The following PTGIS variants were observed in gnomAD, a reference collection of about 807,000 sequenced individuals.
The protein encoded by PTGIS is prostaglandin I2 synthase, also known as prostacyclin synthase.
PTGIS carries 45 observed loss-of-function variants against 50.3 expected under a neutral mutation model. The observed-to-expected ratio is 0.90, with a 90% CI of 0.70 to 1.15. The LOEUF (loss-of-function observed/expected upper bound fraction) is 1.15. Among genes scored for constraint, PTGIS ranks in the 50% most tolerant of loss-of-function variants. PTGIS has a pLI of 0.00. For missense variants in PTGIS, 668 were observed against 661.3 expected (o/e 1.01, Z -0.11); for synonymous variants, 260 against 267.7 (o/e 0.97, Z 0.28).
rs1484985134 is a variant in PTGIS at position 49,504,784 on chromosome 20, C to T, written c.*3136G>A. The T allele has an allele frequency of 6.6e-6, 1 of 150,710 alleles. No individual in the cohort carries two copies. The highest frequency in any genetic ancestry group is 2.4e-5 in the African/African-American group (1 of 40,948). The allele number at this position is 150,710 out of a possible 1,614,324, so 9.3% of individuals were successfully genotyped here. A position where few individuals can be genotyped will look rare whatever the true frequency, so the allele number is the denominator to read the frequency against. ...ATTAAAATATAGCAAATAATAGTAACAATAATCACAATGGTAAGGAAACAC... is the reference window on the plus strand; with the variant it reads ...ATTAAAATATAGCAAATAATAGTAATAATAATCACAATGGTAAGGAAACAC... On this transcript the variant is annotated 3_prime_UTR_variant, in exon 10 of 10. Transcript: ENST00000244043.
chr20:49,564,374 C>T (rs1411182410), intron 1 of PTGIS, among the ~76,000 whole-genome samples: 1 of 152,120 alleles, frequency 6.6e-6, no homozygotes, highest in Non-Finnish European at 1.5e-5. Context: ...GCCTCAGCCT[C>T]CTGAGTAGCT....
chr20:49,547,885 C>A lies in PTGIS; in HGVS notation c.333G>T (p.Gln111His). The A allele has an allele frequency of 6.2e-7, 1 of 1,614,170 alleles. No homozygotes were observed. Among genetic ancestry groups the A allele is most frequent in the South Asian group, 1.1e-5 (1 of 91,074 alleles). Residue 111 changes from glutamine (Q) to histidine (H), a missense_variant, in exon 3 of 10, where the codon CAG becomes CAT. Transcript: ENST00000244043. Reference protein sequence around the residue: ...IFLMERIFDVQLPHYSPSDEK... With the variant: ...IFLMERIFDVHLPHYSPSDEK... ...CATCACTGGGGCTGTAATGTGGAAGCTGCACATCAAAAATCCTCTCCATGA... is the reference window on the plus strand; with the variant it reads ...CATCACTGGGGCTGTAATGTGGAAGATGCACATCAAAAATCCTCTCCATGA...
intron 1 of PTGIS, among the ~76,000 whole-genome samples, chr20:49,566,699 G>A (rs1441567010): frequency 1.3e-5 from 2 of 152,214 alleles, no homozygotes; most frequent in East Asian, 1.9e-4. Flanking sequence ...TTAGCTACAA[G>A]CTCATGTCTA....
chr20:49,522,697 G>C (rs1016855905), intron 6 of PTGIS, among the ~76,000 whole-genome samples: 1 of 152,148 alleles, frequency 6.6e-6, no homozygotes, highest in African/African-American at 2.4e-5. Context: ...TAAATGTAAT[G>C]AGAAACAATG....
chr20:49,552,806 A>C lies in PTGIS; in HGVS notation c.75-2617T>G, dbSNP rs140422428. ...ATATCAGCTTTCCTAGGCAAATAAA[A>C]ACATAAAACAACTTAGACATATTAA... On this transcript the variant is annotated intron_variant, in intron 1 of 9. Transcript: ENST00000244043. Among the ~76,000 whole-genome samples the C allele has an allele frequency of 1.7e-4, 26 of 152,300 alleles. No individual in the cohort carries two copies. In the East Asian group the frequency reaches 3.7e-3, roughly 21 times the overall value.
At chr20:49,532,518 A>C (rs1048855872) in intron 5 of PTGIS, among the ~76,000 whole-genome samples, 1 of 152,182 alleles carries the variant, frequency 6.6e-6, no homozygotes, top group Non-Finnish European at 1.5e-5. Flanking sequence ...TAATAAAAGT[A>C]CCCACCACAG....
At chr20:49,528,863 T>G (rs757605800) in intron 5 of PTGIS, among the ~76,000 whole-genome samples, 3 of 152,212 alleles carry the variant, frequency 2.0e-5, no homozygotes, top group Non-Finnish European at 4.4e-5. Flanking sequence ...GAAGGAACTC[T>G]AGAAGGATCC....
At chr20:49,547,622 CAAACAAACAAACAAAA>C (rs1205933950) in intron 3 of PTGIS, among the ~76,000 whole-genome samples, 3 of 152,178 alleles carry the variant, frequency 2.0e-5, no homozygotes, top group East Asian at 3.9e-4. Flanking sequence ...AACAAACAAA[CAAACAAACAAACAAAA>C]AAACCCGCCA....
chr20:49,546,024 T>G (rs1408106227), intron 3 of PTGIS, among the ~76,000 whole-genome samples: 1 of 152,190 alleles, frequency 6.6e-6, no homozygotes, highest in Non-Finnish European at 1.5e-5. Context: ...ACATGGCTCA[T>G]GACTCATGTA....
chr20:49,538,187 T>G (rs1406423153), intron 5 of PTGIS, among the ~76,000 whole-genome samples: 1 of 142,348 alleles, frequency 7.0e-6, no homozygotes, highest in Non-Finnish European at 1.5e-5. Context: ...CCCAGGAGAT[T>G]GAGGCTGCAG....
Position 49,550,188 on chromosome 20 carries a change from G to T in PTGIS, c.76C>A (p.Arg26=), listed in dbSNP as rs147584032. The change falls in exon 2 of 10, where the codon CGA becomes AGA. Residue 26 remains arginine, a splice_region_variant and synonymous_variant. Coordinates refer to ENST00000244043, the MANE Select transcript of PTGIS (RefSeq NM_000961.4). ...LLLLSRRRTR[R]PGEPPLDLGS... is the part of the protein sequence containing the mutation. The stretch of plus-strand genomic sequence containing the variant: ...AGGTCCAGGGGAGGCTCACCAGGTC[G>T]CCTACAGAAGCCATGGCACTTGTCA... 278 of 1,612,222 alleles carry T rather than the reference G, an allele frequency of 1.7e-4. No individual in the cohort carries two copies. The African/African-American group carries it at 3.4e-3, about 20-fold the overall frequency.
intron 6 of PTGIS, among the ~76,000 whole-genome samples, chr20:49,517,321 C>T (rs1255619736): frequency 6.6e-6 from 1 of 152,208 alleles, no homozygotes; most frequent in Non-Finnish European, 1.5e-5. Context: ...AGATGGGGGC[C>T]ACCGCTCATT....
chr20:49,563,568 C>A (rs762158986), intron 1 of PTGIS, among the ~76,000 whole-genome samples: 1 of 152,158 alleles, frequency 6.6e-6, no homozygotes, highest in East Asian at 1.9e-4. Context: ...ATTGCTAGAT[C>A]TTCCCATTTT....
chr20:49,561,675 C>T (rs758278746), intron 1 of PTGIS, among the ~76,000 whole-genome samples: 3 of 152,208 alleles, frequency 2.0e-5, no homozygotes, highest in Non-Finnish European at 2.9e-5. Flanking sequence ...ATCCCAGCCA[C>T]GCTTCTTGCT....
At chr20:49,537,201 TGAA>T (rs1253940542) in intron 5 of PTGIS, among the ~76,000 whole-genome samples, 4 of 152,234 alleles carry the variant, frequency 2.6e-5, no homozygotes, top group South Asian at 4.2e-4. Context: ...ACCTACGTTA[TGAA>T]GAAGGGCCTG....
intron 5 of PTGIS, among the ~76,000 whole-genome samples, chr20:49,532,197 C>A (rs926585438): frequency 1.3e-5 from 2 of 152,024 alleles, no homozygotes; most frequent in African/African-American, 4.8e-5. Flanking sequence ...TTATTAAAAT[C>A]GATTTCACTT....
At chr20:49,538,057 C>T (rs980665592) in intron 5 of PTGIS, among the ~76,000 whole-genome samples, 1 of 151,848 alleles carries the variant, frequency 6.6e-6, no homozygotes, top group African/African-American at 2.4e-5. Flanking sequence ...AGTTGGAGAC[C>T]AGTCTGGGAA....
intron 1 of PTGIS, among the ~76,000 whole-genome samples, chr20:49,559,744 T>C (rs930797568): frequency 5.9e-5 from 9 of 152,010 alleles, no homozygotes; most frequent in African/African-American, 1.7e-4. Context: ...CTGTCCAGAA[T>C]TGGGAAATCA....
chr20:49,549,152 A>G (rs1194013078), intron 2 of PTGIS, among the ~76,000 whole-genome samples: 1 of 152,178 alleles, frequency 6.6e-6, no homozygotes, highest in Admixed American at 6.5e-5. Flanking sequence ...GAAAAATGAA[A>G]GTTGGTGGAA....
Sources: allele counts gnomAD v4.1 joint callset (sites outside exome capture counted in the v4.1 genomes callset), GRCh38; gene constraint gnomAD v4.1.1; transcripts MANE v1.5; gene names NCBI Gene and HGNC (gene_info 2026-07-23, HGNC 2026-07-21).